The following SMURF2 variants were observed in gnomAD, a reference collection of about 807,000 sequenced individuals.
The protein encoded by SMURF2 is E3 ubiquitin-protein ligase SMURF2.
In SMURF2, 48 loss-of-function variants were observed where a neutral mutation model predicts 109.6. The ratio of observed to expected loss-of-function variants is 0.44; its 90% CI spans 0.35 to 0.56. The LOEUF (loss-of-function observed/expected upper bound fraction) is 0.56. SMURF2 is among the 20% of genes least tolerant of loss of function. The pLI, the probability that SMURF2 is intolerant of heterozygous loss-of-function variation, is 0.01. For missense variants in SMURF2, 575 were observed against 909.0 expected (o/e 0.63, Z 4.72); for synonymous variants, 288 against 317.1 (o/e 0.91, Z 0.97).
intron 9 of SMURF2, among the ~76,000 whole-genome samples, chr17:64,575,878 T>G (rs2144629005): frequency 6.6e-6 from 1 of 152,140 alleles, no homozygotes; most frequent in South Asian, 2.1e-4. Flanking sequence ...GTAACTGGAC[T>G]ACTTGGTACT....
At chr17:64,559,907 C>A (rs1969187594) in intron 12 of SMURF2, among the ~76,000 whole-genome samples, 1 of 151,792 alleles carries the variant, frequency 6.6e-6, no homozygotes, top group South Asian at 2.1e-4. Flanking sequence ...GCCACCATAC[C>A]CAGCTAATCT....
intron 10 of SMURF2, among the ~76,000 whole-genome samples, chr17:64,570,087 G>A (rs1555685426): frequency 6.6e-6 from 1 of 152,152 alleles, no homozygotes; most frequent in African/African-American, 2.4e-5. Context: ...TTTCGAAGAA[G>A]GAACCAAAGA....
rs1456898221 is a variant in SMURF2, at chr17:64,631,208, GGA to G, written c.53-24570_53-24569del. 4.9e-5 allele frequency among the ~76,000 whole-genome samples: 7 copies of G among 142,588 alleles called. No homozygotes were observed. In the Admixed American group the frequency reaches 5.0e-4, roughly 10 times the overall value. 93.5% of individuals were successfully genotyped at this position (142,588 alleles called of 152,430 possible). ...TCCCAGCTACTCAGGTCAAAAAAAG[GGA>G]GAGAGGGACGGGGGTGAGGTGGGGT... On this transcript the variant is annotated intron_variant, in intron 1 of 18. Transcript: ENST00000262435.
intron 5 of SMURF2, among the ~76,000 whole-genome samples, chr17:64,590,744 T>C (rs1180501767): frequency 6.6e-6 from 1 of 152,222 alleles, no homozygotes; most frequent in Non-Finnish European, 1.5e-5. Flanking sequence ...TTCAATAGAA[T>C]GTTCTCTTCT....
intron 12 of SMURF2, among the ~76,000 whole-genome samples, chr17:64,559,548 G>A (rs1969180719): frequency 6.6e-6 from 1 of 151,560 alleles, no homozygotes; most frequent in Non-Finnish European, 1.5e-5. Flanking sequence ...AGCCGAGATT[G>A]CGCCACTGCA....
intron 1 of SMURF2, among the ~76,000 whole-genome samples, chr17:64,622,020 A>G (rs1478016743): frequency 1.3e-5 from 2 of 148,150 alleles, no homozygotes; most frequent in African/African-American, 4.9e-5. Context: ...TCATCGCACC[A>G]CTGCACTCCA....
intron 16 of SMURF2, among the ~76,000 whole-genome samples, chr17:64,549,162 G>A (rs1969001696): frequency 7.0e-6 from 1 of 142,018 alleles, no homozygotes; most frequent in Non-Finnish European, 1.5e-5. Context: ...GCGGGCACCT[G>A]TAATCCCAGG....
At position 64,662,185 on chromosome 17, in the gene SMURF2, C is replaced by G; in HGVS notation, c.-305G>C. On this transcript the variant is annotated 5_prime_UTR_variant, in exon 1 of 19. Transcript: ENST00000262435. Reference sequence around the variant, plus strand: ...TCCTCGCGGCCGCCGAGGCCTTTCCCTCCTCTCGTCTCGGCGAGGCCCAGT... The same window carrying G: ...TCCTCGCGGCCGCCGAGGCCTTTCCGTCCTCTCGTCTCGGCGAGGCCCAGT... The G allele has an allele frequency of 9.7e-7, 1 of 1,035,736 alleles. No individual in the cohort carries two copies. Among genetic ancestry groups the G allele is most frequent in the Middle Eastern group, 4.7e-4 (1 of 2,142 alleles). The allele number at this position is 1,035,736 out of a possible 1,614,324, so 64.2% of individuals were successfully genotyped here. A position where few individuals can be genotyped will look rare whatever the true frequency, so the allele number is the denominator to read the frequency against.
chr17:64,580,686 C>A, intron 8 of SMURF2, 103 bp downstream of exon 8: 1 of 1,177,342 alleles, frequency 8.5e-7, no homozygotes, highest in Non-Finnish European at 1.2e-6. Flanking sequence ...CATGCAGAAT[C>A]CCTAAGCTCA....
At chr17:64,549,811 G>GACTATATTAGACC (rs1969015875) in intron 16 of SMURF2, among the ~76,000 whole-genome samples, 1 of 152,008 alleles carries the variant, frequency 6.6e-6, no homozygotes, top group African/African-American at 2.4e-5. Context: ...TGACCCATTA[G>GACTATATTAGACC]CAGTAGAAAC....
In SMURF2 at chr17:64,591,163, ACAAAGAAAG is replaced by A. The variant is rs1234781537; in HGVS notation, c.335-23_335-15del. ...CCAACCTCTGATCTATTTGAAGTCA[ACAAAGAAAG>A]CAACGAAAAAATTAGCTGGTATCAG... On this transcript the variant is annotated splice_polypyrimidine_tract_variant and intron_variant, in intron 4 of 18. Transcript: ENST00000262435. 6.2e-7 allele frequency: 1 copy of A among 1,609,376 alleles called. No homozygotes were observed. Among genetic ancestry groups the A allele is most frequent in the Non-Finnish European group, 8.5e-7 (1 of 1,177,858 alleles).
At chr17:64,600,179 G>A (rs1239219319) in intron 2 of SMURF2, among the ~76,000 whole-genome samples, 1 of 152,186 alleles carries the variant, frequency 6.6e-6, no homozygotes. Flanking sequence ...GACCCTGAAT[G>A]AGGGAAGTCA....
chr17:64,603,601 CAT>C (rs1366511515), intron 2 of SMURF2, among the ~76,000 whole-genome samples: 2 of 145,466 alleles, frequency 1.4e-5, no homozygotes, highest in African/African-American at 5.1e-5. Context: ...AAAAAAAAAA[CAT>C]AATGAATAAA....
intron 1 of SMURF2, among the ~76,000 whole-genome samples, chr17:64,661,516 C>A (rs1272541741): frequency 1.3e-5 from 2 of 152,136 alleles, no homozygotes; most frequent in Non-Finnish European, 2.9e-5. Flanking sequence ...AGGGGCTGTT[C>A]CCCGAGCCCC....
At chr17:64,562,994 A>T (rs782792366) in intron 10 of SMURF2, 28 bp from the exon 11 acceptor site, 1 of 1,544,586 alleles carries the variant, frequency 6.5e-7, no homozygotes, top group Non-Finnish European at 8.8e-7. Flanking sequence ...TGTTATTATT[A>T]AAGTATATCA....
chr17:64,617,065 TAAAAAAAA>T (rs35408397), intron 1 of SMURF2, among the ~76,000 whole-genome samples: 17 of 48,496 alleles, frequency 3.5e-4, no homozygotes, highest in Non-Finnish European at 4.8e-4. Context: ...AGACCTTGTC[TAAAAAAAA>T]AAAAAAAAAA....
intron 10 of SMURF2, among the ~76,000 whole-genome samples, chr17:64,571,179 C>T (rs1432978657): frequency 6.6e-6 from 1 of 152,100 alleles, no homozygotes; most frequent in Non-Finnish European, 1.5e-5. Flanking sequence ...TTTTGTATTA[C>T]AATGGCAACA....
chr17:64,606,476 A>G, intron 2 of SMURF2, 126 bp downstream of exon 2: 1 of 740,356 alleles, frequency 1.4e-6, no homozygotes, highest in Non-Finnish European at 2.2e-6. Context: ...TCTGAACCGA[A>G]GCATTCATAA....
chr17:64,628,558 G>A (rs781961806), intron 1 of SMURF2, among the ~76,000 whole-genome samples: 7 of 151,994 alleles, frequency 4.6e-5, no homozygotes, highest in Non-Finnish European at 7.4e-5. Context: ...CTAAATTACC[G>A]CGGCCACTTT....
Sources: allele counts gnomAD v4.1 joint callset (sites outside exome capture counted in the v4.1 genomes callset), GRCh38; gene constraint gnomAD v4.1.1; transcripts MANE v1.5; gene names NCBI Gene and HGNC (gene_info 2026-07-23, HGNC 2026-07-21).